The following GPC5 variants were observed in gnomAD, a reference collection of about 807,000 sequenced individuals.
GPC5 encodes the protein glypican 5.
A neutral mutation model predicts 53.9 loss-of-function variants in GPC5; 47 were observed. The observed-to-expected ratio is 0.87, with a 90% CI of 0.69 to 1.11. The LOEUF (loss-of-function observed/expected upper bound fraction) is 1.11, where lower values mean the gene tolerates loss of function less well. Ranked by LOEUF, GPC5 falls within the 50% of genes most tolerant of loss-of-function variation. The pLI is 0.00. For synonymous variants in GPC5, 286 were observed against 263.3 expected (o/e 1.09, Z -0.84); for missense variants, 748 against 713.1 (o/e 1.05, Z -0.56).
intron 5 of GPC5, among the ~76,000 whole-genome samples, chr13:91,760,770 G>A (rs2037393665): frequency 6.6e-6 from 1 of 152,142 alleles, no homozygotes; most frequent in Admixed American, 6.6e-5. Context: ...AATCACCTAT[G>A]TGCTGATCAA....
At position 92,146,871 on chromosome 13, in the gene GPC5, G is replaced by GAT. The variant is rs1426969437; in HGVS notation, c.1561+1894_1561+1895dup. The stretch of plus-strand genomic sequence containing the variant: ...CCTTTATGGCTGAATAGTATTCCAT[G>GAT]ATATATATATATACCACAGTTTCTT... On this transcript the variant is annotated intron_variant, in intron 7 of 7. Coordinates refer to ENST00000377067, the MANE Select transcript of GPC5 (RefSeq NM_004466.6). Among the ~76,000 whole-genome samples the GAT allele has an allele frequency of 2.5e-3, 371 of 151,428 alleles. 3 individuals carry two copies. The highest frequency in any genetic ancestry group is 8.0e-3 in the African/African-American group (330 of 41,370).
chr13:92,280,969 G>C (rs561086983), intron 7 of GPC5, among the ~76,000 whole-genome samples: 1 of 152,326 alleles, frequency 6.6e-6, no homozygotes, highest in East Asian at 1.9e-4. Context: ...CCCAGGAAGT[G>C]CGAGGGGTCA....
intron 7 of GPC5, among the ~76,000 whole-genome samples, chr13:92,466,191 T>TATAC (rs3064713): frequency 0.68 from 103,347 of 151,356 alleles, 36,194 homozygotes; most frequent in East Asian, 0.89. Context: ...TAATTAAAAA[T>TATAC]ATAAATATAG....
At chr13:92,761,823 G>T (rs986549587) in intron 7 of GPC5, among the ~76,000 whole-genome samples, 1 of 152,034 alleles carries the variant, frequency 6.6e-6, no homozygotes, top group Non-Finnish European at 1.5e-5. Flanking sequence ...TTATCTCCGA[G>T]ATTTGGTTAT....
At chr13:92,546,905 C>G (rs961934017) in intron 7 of GPC5, among the ~76,000 whole-genome samples, 6 of 152,038 alleles carry the variant, frequency 3.9e-5, no homozygotes, top group African/African-American at 1.4e-4. Flanking sequence ...CTGACAAAAA[C>G]AAGAAATGGG....
intron 6 of GPC5, among the ~76,000 whole-genome samples, chr13:91,980,108 C>A (rs544810785): frequency 6.6e-6 from 1 of 152,218 alleles, no homozygotes; most frequent in African/African-American, 2.4e-5. Context: ...AAAAAAGCTT[C>A]CAAAGTTTAG....
intron 7 of GPC5, among the ~76,000 whole-genome samples, chr13:92,396,620 T>C (rs1410853977): frequency 1.3e-5 from 2 of 152,208 alleles, no homozygotes; most frequent in African/African-American, 2.4e-5. Context: ...GTCGCACCTA[T>C]CAACCCATCA....
At chr13:92,361,570 C>T (rs1284718136) in intron 7 of GPC5, among the ~76,000 whole-genome samples, 1 of 151,574 alleles carries the variant, frequency 6.6e-6, no homozygotes, top group Non-Finnish European at 1.5e-5. Flanking sequence ...TCTACTAGTA[C>T]ATCAGTGTCT....
intron 7 of GPC5, among the ~76,000 whole-genome samples, chr13:92,709,213 AT>A (rs879838843): frequency 0.014 from 1,835 of 135,398 alleles, 8 homozygotes; most frequent in African/African-American, 0.029. Flanking sequence ...CGCCCAGCTA[AT>A]TTTTTTTTTT....
chr13:91,532,030 G>A (rs1171837283), intron 2 of GPC5, among the ~76,000 whole-genome samples: 4 of 152,172 alleles, frequency 2.6e-5, no homozygotes, highest in South Asian at 4.1e-4. Flanking sequence ...CAGTTATTGA[G>A]CATTTGATGA....
chr13:91,856,545 A>T (rs1594620530), intron 5 of GPC5, among the ~76,000 whole-genome samples: 1 of 151,508 alleles, frequency 6.6e-6, no homozygotes, highest in South Asian at 2.1e-4. Context: ...TTGTATTTAC[A>T]CAAAATTAAA....
At chr13:92,373,025 C>A (rs1472488825) in intron 7 of GPC5, among the ~76,000 whole-genome samples, 5 of 152,088 alleles carry the variant, frequency 3.3e-5, no homozygotes, top group Non-Finnish European at 5.9e-5. Flanking sequence ...GTTTATTTCA[C>A]AATGTAAGTA....
At position 91,820,126 on chromosome 13, in the gene GPC5, T is replaced by A. The variant is rs368348177; in HGVS notation, c.1280+63706T>A. Among the ~76,000 whole-genome samples, 8 of 152,162 alleles carry A rather than the reference T, an allele frequency of 5.3e-5. No homozygotes were observed. The South Asian group carries it at 1.7e-3, about 31-fold the overall frequency. On this transcript the variant is annotated intron_variant, in intron 5 of 7. Transcript: ENST00000377067. Reference sequence around the variant, plus strand: ...TTGGTGGTGGTGGTGGTATTTTTGTTTTTATAGTCCCTATTTAGTTATTTT... The same window carrying A: ...TTGGTGGTGGTGGTGGTATTTTTGTATTTATAGTCCCTATTTAGTTATTTT...
intron 7 of GPC5, among the ~76,000 whole-genome samples, chr13:92,160,540 G>A (rs73620879): frequency 0.012 from 1,829 of 152,206 alleles, 54 homozygotes; most frequent in African/African-American, 0.041. Flanking sequence ...AGAGAGTAAG[G>A]GAAAATAGAT....
At chr13:91,414,765 C>G (rs891036780) in intron 1 of GPC5, among the ~76,000 whole-genome samples, 1 of 152,200 alleles carries the variant, frequency 6.6e-6, no homozygotes, top group Non-Finnish European at 1.5e-5. Context: ...TGACCATACT[C>G]TCTTGGTCAT....
At chr13:92,483,118 T>C (rs1879419307) in intron 7 of GPC5, among the ~76,000 whole-genome samples, 1 of 152,212 alleles carries the variant, frequency 6.6e-6, no homozygotes, top group Non-Finnish European at 1.5e-5. Context: ...CATGATTCCA[T>C]TATCTCCACT....
At chr13:91,639,371 A>G (rs1244575192) in intron 2 of GPC5, among the ~76,000 whole-genome samples, 1 of 152,206 alleles carries the variant, frequency 6.6e-6, no homozygotes, top group Non-Finnish European at 1.5e-5. Context: ...TTACAGAAAC[A>G]AACTTTCTGA....
intron 5 of GPC5, among the ~76,000 whole-genome samples, chr13:91,894,626 T>G (rs1275799152): frequency 6.6e-6 from 1 of 152,216 alleles, no homozygotes; most frequent in Admixed American, 6.5e-5. Flanking sequence ...ATTGGCATTT[T>G]AGATGGTTGT....
intron 2 of GPC5, among the ~76,000 whole-genome samples, chr13:91,561,962 T>C (rs188959557): frequency 6.7e-4 from 102 of 152,236 alleles, no homozygotes; most frequent in Non-Finnish European, 1.1e-3. Context: ...CTTTGTACCA[T>C]TACAGAGGTT....
Sources: gnomAD v4.1 joint callset for allele counts (sites outside exome capture counted in the v4.1 genomes callset) on GRCh38, gnomAD v4.1.1 for gene constraint, MANE v1.5 for transcripts, NCBI Gene and HGNC (gene_info 2026-07-23, HGNC 2026-07-21) for gene names.